Variants in ULK4 observed in about 807,000 individuals in gnomAD.
ULK4 encodes unc-51 like kinase 4, also known as inactive serine/threonine-protein kinase ULK4.
A neutral mutation model predicts 160.6 loss-of-function variants in ULK4; 133 were observed. The observed-to-expected ratio is 0.83, with a 90% CI of 0.72 to 0.96. ULK4 has a LOEUF of 0.96. Among genes scored for constraint, ULK4 ranks in the 40% least tolerant of loss-of-function variants. The pLI, the probability that ULK4 is intolerant of heterozygous loss-of-function variation, is 0.00. For missense variants in ULK4, 1,580 were observed against 1,499.5 expected (o/e 1.05, Z -0.89); for synonymous variants, 534 against 539.8 (o/e 0.99, Z 0.15).
intron 31 of ULK4, among the ~76,000 whole-genome samples, chr3:41,574,378 C>T (rs2088108898): frequency 6.6e-6 from 1 of 151,960 alleles, no homozygotes; most frequent in African/African-American, 2.4e-5. Flanking sequence ...ACAAAGTACC[C>T]TCGAATCTCC....
rs986625064 is a variant in ULK4 at position 41,402,054 on chromosome 3, C to T, written c.3493-3790G>A. ...CAAACTTCCTTGTTTTCTTTTGCTT[C>T]CCCATGGTCACGTCATACTCTTGTT... On this transcript the variant is annotated intron_variant, in intron 34 of 36. Coordinates refer to ENST00000301831, the MANE Select transcript of ULK4 (RefSeq NM_017886.4). Among the ~76,000 whole-genome samples the T allele has an allele frequency of 2.6e-4, 40 of 152,226 alleles. 1 individual carries two copies. The highest frequency in any genetic ancestry group is 9.4e-4 in the African/African-American group (39 of 41,548).
At chr3:41,939,994 A>G (rs114134390) in intron 2 of ULK4, among the ~76,000 whole-genome samples, 1 of 152,106 alleles carries the variant, frequency 6.6e-6, no homozygotes, top group African/African-American at 2.4e-5. Flanking sequence ...CCCTGGTGTC[A>G]AAACAAGTTG....
intron 4 of ULK4, among the ~76,000 whole-genome samples, chr3:41,933,996 C>G (rs1257620249): frequency 6.6e-6 from 1 of 151,992 alleles, no homozygotes; most frequent in Non-Finnish European, 1.5e-5. Flanking sequence ...TGAGATCACA[C>G]CACTGCACTC....
intron 32 of ULK4, among the ~76,000 whole-genome samples, chr3:41,495,232 A>C (rs1439351739): frequency 3.3e-5 from 5 of 152,184 alleles, no homozygotes; most frequent in African/African-American, 1.2e-4. Flanking sequence ...AAACAGAGAT[A>C]TAGATCAATG....
At chr3:41,828,402 A>G (rs1447644789) in intron 18 of ULK4, among the ~76,000 whole-genome samples, 1 of 149,458 alleles carries the variant, frequency 6.7e-6, no homozygotes, top group Non-Finnish European at 1.5e-5. Context: ...AGAAAACCCC[A>G]TTGTCTCAGC....
intron 18 of ULK4, among the ~76,000 whole-genome samples, chr3:41,822,267 T>C (rs1164197250): frequency 6.6e-6 from 1 of 152,102 alleles, no homozygotes; most frequent in Non-Finnish European, 1.5e-5. Flanking sequence ...GTGCAGTTCA[T>C]GCATGAAAAA....
At chr3:41,328,947 TTTG>T (rs1199957945) in intron 35 of ULK4, among the ~76,000 whole-genome samples, 1 of 152,086 alleles carries the variant, frequency 6.6e-6, no homozygotes, top group Non-Finnish European at 1.5e-5. Context: ...TAAAATTGAT[TTTG>T]TTTATAGTTC....
chr3:41,352,990 C>T (rs2080942172), intron 35 of ULK4, among the ~76,000 whole-genome samples: 1 of 152,200 alleles, frequency 6.6e-6, no homozygotes, highest in South Asian at 2.1e-4. Flanking sequence ...TGAGAATCTG[C>T]CTCTTGCCTT....
intron 35 of ULK4, among the ~76,000 whole-genome samples, chr3:41,307,965 C>T (rs1358964034): frequency 6.6e-6 from 1 of 152,068 alleles, no homozygotes; most frequent in Non-Finnish European, 1.5e-5. Flanking sequence ...TTTTGCTACC[C>T]AAAAGCTTGA....
chr3:41,804,494 C>A (rs1186980388), intron 19 of ULK4, among the ~76,000 whole-genome samples: 1 of 150,794 alleles, frequency 6.6e-6, no homozygotes, highest in East Asian at 1.9e-4. Context: ...TAATTAGATC[C>A]CATTTGTCAA....
chr3:41,801,665 C>G (rs1484684331), intron 19 of ULK4, among the ~76,000 whole-genome samples: 1 of 151,882 alleles, frequency 6.6e-6, no homozygotes, highest in Non-Finnish European at 1.5e-5. Flanking sequence ...GCATGGGCAA[C>G]ATAGCAAGAC....
intron 32 of ULK4, among the ~76,000 whole-genome samples, chr3:41,509,843 T>C (rs1348203374): frequency 6.6e-6 from 1 of 152,068 alleles, no homozygotes; most frequent in Non-Finnish European, 1.5e-5. Flanking sequence ...TCAAAACAAA[T>C]CCTTGAAATA....
Position 41,663,655 on chromosome 3 carries a change from G to C in ULK4, c.3023C>G (p.Ala1008Gly). Residue 1008 changes from alanine (A) to glycine (G), a missense_variant, in exon 30 of 37, where the codon GCT becomes GGT. By Grantham distance (60) the Ala-to-Gly change is moderately conservative. Coordinates refer to ENST00000301831, the MANE Select transcript of ULK4 (RefSeq NM_017886.4). ...AGTCATCGCGACTAGCAGTTTCAGA[G>C]CATATGCTGGTACTGGGTCAGGTTC... ...LLEPDPVPAY[A>G]LKLLVAMTEH... 4 of 1,613,972 alleles carry C rather than the reference G, an allele frequency of 2.5e-6. No homozygotes were observed. The highest frequency in any genetic ancestry group is 3.4e-6 in the Non-Finnish European group (4 of 1,179,908).
rs187475781 is a variant in ULK4 at position 41,462,455 on chromosome 3, G to T, written c.3393+632C>A. ...TTAGACAGAGCATTAAATAAAACAGGCATAGGAAAGTACTCTATAAAACCA... is the reference window on the plus strand; with the variant it reads ...TTAGACAGAGCATTAAATAAAACAGTCATAGGAAAGTACTCTATAAAACCA... On this transcript the variant is annotated intron_variant, in intron 33 of 36. Coordinates refer to ENST00000301831, the MANE Select transcript of ULK4 (RefSeq NM_017886.4). 1.7e-3 allele frequency among the ~76,000 whole-genome samples: 262 copies of T among 152,212 alleles called. 1 individual carries two copies. Among genetic ancestry groups the T allele is most frequent in the African/African-American group, 6.0e-3 (250 of 41,524 alleles).
intron 18 of ULK4, among the ~76,000 whole-genome samples, chr3:41,822,600 G>C (rs1002175504): frequency 6.7e-6 from 1 of 149,492 alleles, no homozygotes; most frequent in African/African-American, 2.5e-5. Flanking sequence ...TGTAGTTTTA[G>C]TAGAGACAGC....
At chr3:41,417,062 T>C (rs2082544111) in intron 34 of ULK4, among the ~76,000 whole-genome samples, 1 of 152,090 alleles carries the variant, frequency 6.6e-6, no homozygotes, top group African/African-American at 2.4e-5. Context: ...AACAGGAAGC[T>C]ACTGGGGGCC....
intron 1 of ULK4, among the ~76,000 whole-genome samples, chr3:41,958,809 G>A (rs959679310): frequency 7.2e-5 from 11 of 151,958 alleles, no homozygotes; most frequent in African/African-American, 2.4e-4. Flanking sequence ...AAATGTTAGC[G>A]GGTAAACATT....
At chr3:41,430,913 G>C (rs925704501) in intron 34 of ULK4, among the ~76,000 whole-genome samples, 2 of 151,992 alleles carry the variant, frequency 1.3e-5, no homozygotes, top group Non-Finnish European at 2.9e-5. Flanking sequence ...TTGGGGGTGG[G>C]GGTGGCAAAA....
chr3:41,281,977 A>G (rs2079364327), intron 35 of ULK4, among the ~76,000 whole-genome samples: 1 of 152,232 alleles, frequency 6.6e-6, no homozygotes, highest in Non-Finnish European at 1.5e-5. Context: ...ATCAATGTGC[A>G]AAAATCACAA....
Sources: allele counts gnomAD v4.1 joint callset (sites outside exome capture counted in the v4.1 genomes callset), GRCh38; gene constraint gnomAD v4.1.1; transcripts MANE v1.5; gene names NCBI Gene and HGNC (gene_info 2026-07-23, HGNC 2026-07-21).